The following SCP2 variants were observed in gnomAD, a reference collection of about 807,000 sequenced individuals.
SCP2 encodes the protein sterol carrier protein 2.
SCP2 carries 48 observed loss-of-function variants against 71.4 expected under a neutral mutation model. That is an observed-to-expected ratio of 0.67 (90% CI 0.53 to 0.86). The LOEUF is 0.86. Among genes scored for constraint, SCP2 ranks in the 40% least tolerant of loss-of-function variants. SCP2 has a pLI of 0.00. For synonymous variants in SCP2, 220 were observed against 218.1 expected, an observed-to-expected ratio of 1.01 and a Z score of -0.08; for missense variants, 560 against 655.6, an observed-to-expected ratio of 0.85 and a Z score of 1.59.
chr1:52,946,429 G>T lies in SCP2; in HGVS notation c.128-1580G>T, dbSNP rs1572063050. Among the ~76,000 whole-genome samples the T allele has an allele frequency of 2.0e-5, 3 of 149,450 alleles. No homozygotes were observed. In the East Asian group the frequency reaches 6.1e-4, roughly 30 times the overall value. On this transcript the variant is annotated intron_variant, in intron 2 of 15. Coordinates refer to ENST00000371514, the MANE Select transcript of SCP2 (RefSeq NM_002979.5). ...TTTTGTAGAGATGGGGTCCCAGGCT[G>T]GTCTCAAAACTCCTGGGCTCAAGTG...
intron 13 of SCP2, 64 bp from the exon 14 acceptor site, chr1:53,038,853 T>C (rs1572226088): frequency 6.3e-7 from 1 of 1,599,112 alleles, no homozygotes; most frequent in African/African-American, 1.3e-5. Context: ...TAAACATGAA[T>C]TTGCTTGAGG....
chr1:53,040,861 TG>T (rs1301189175), intron 14 of SCP2, among the ~76,000 whole-genome samples: 1 of 152,236 alleles, frequency 6.6e-6, no homozygotes, highest in Non-Finnish European at 1.5e-5. Flanking sequence ...TCACTTGAAT[TG>T]TAAGTTCCTT....
At chr1:53,046,710 G>A (rs768141224) in intron 14 of SCP2, among the ~76,000 whole-genome samples, 9 of 152,110 alleles carry the variant, frequency 5.9e-5, no homozygotes, top group Non-Finnish European at 1.3e-4. Context: ...GCCAACATTT[G>A]TTTATATATT....
chr1:53,015,314 C>A (rs1661259480), intron 12 of SCP2, among the ~76,000 whole-genome samples: 1 of 152,180 alleles, frequency 6.6e-6, no homozygotes, highest in Admixed American at 6.5e-5. Context: ...TCGGCCCTAG[C>A]AACCTAAGTT....
chr1:52,986,735 A>C (rs1046546043), intron 10 of SCP2, among the ~76,000 whole-genome samples: 5 of 152,040 alleles, frequency 3.3e-5, no homozygotes, highest in African/African-American at 1.2e-4. Flanking sequence ...TGAATATTAA[A>C]TTTTATAAAT....
rs888536876 is a variant in SCP2 at position 52,977,865 on chromosome 1, C to T, written c.675-352C>T. On this transcript the variant is annotated intron_variant, in intron 8 of 15. Coordinates refer to ENST00000371514, the MANE Select transcript of SCP2 (RefSeq NM_002979.5). ...ATCTCAGCTACTCAGGAGGCTGAGG[C>T]AGAAGAATCACTTGAACCGGGGAGG... 4.0e-5 allele frequency among the ~76,000 whole-genome samples: 6 copies of T among 151,648 alleles called. No individual in the cohort carries two copies. In the East Asian group the frequency reaches 9.7e-4, roughly 24 times the overall value.
chr1:52,987,359 T>C (rs1312537791), intron 10 of SCP2, among the ~76,000 whole-genome samples: 1 of 152,202 alleles, frequency 6.6e-6, no homozygotes, highest in Admixed American at 6.5e-5. Flanking sequence ...ATTGCCACCA[T>C]CATTACTATC....
In SCP2 at chr1:52,951,691, G is replaced by A. The variant is rs1199327089; in HGVS notation, c.331+805G>A. Among the ~76,000 whole-genome samples, 5 of 150,680 alleles carry A rather than the reference G, an allele frequency of 3.3e-5. 1 individual carries two copies. The highest frequency in any genetic ancestry group is 7.4e-5 in the Non-Finnish European group (5 of 67,838). The stretch of plus-strand genomic sequence containing the variant: ...GTGTTTTTTGTATATTCACAGAATT[G>A]TATACCTATCACCACTATGTAATAT... On this transcript the variant is annotated intron_variant, in intron 4 of 15. Coordinates refer to ENST00000371514, the MANE Select transcript of SCP2 (RefSeq NM_002979.5).
chr1:52,937,157 A>G (rs1336678803), intron 1 of SCP2, among the ~76,000 whole-genome samples: 2 of 152,150 alleles, frequency 1.3e-5, no homozygotes, highest in African/African-American at 4.8e-5. Flanking sequence ...TCCTTATAGG[A>G]GATTATGATA....
chr1:53,016,632 G>C (rs1486954943), intron 12 of SCP2, among the ~76,000 whole-genome samples: 1 of 152,064 alleles, frequency 6.6e-6, no homozygotes, highest in Non-Finnish European at 1.5e-5. Flanking sequence ...TTCCAAGTCT[G>C]TACAATAGGT....
chr1:52,931,787 G>T (rs750510696), intron 1 of SCP2, among the ~76,000 whole-genome samples: 5 of 152,066 alleles, frequency 3.3e-5, no homozygotes, highest in Admixed American at 3.3e-4. Context: ...ACAAGACAAC[G>T]TCAACCCCCT....
Position 52,934,592 on chromosome 1 carries a change from C to CTTTTTTTTTTTTTTTT in SCP2, c.69+7150_69+7165dup, listed in dbSNP as rs771433635. 4.1e-4 allele frequency among the ~76,000 whole-genome samples: 12 copies of CTTTTTTTTTTTTTTTT among 29,058 alleles called. 6 individuals carry two copies. Among genetic ancestry groups the CTTTTTTTTTTTTTTTT allele is most frequent in the Admixed American group, 1.3e-3 (2 of 1,548 alleles). The allele number at this position is 29,058 out of a possible 152,430, so 19.1% of individuals were successfully genotyped here. ...GTTTCAAATTCTACATTCCAGCTAA[C>CTTTTTTTTTTTTTTTT]TTTTTTTTTTTTTTTTTTTTTTTTT... On this transcript the variant is annotated intron_variant, in intron 1 of 15. Coordinates refer to ENST00000371514, the MANE Select transcript of SCP2 (RefSeq NM_002979.5).
intron 2 of SCP2, among the ~76,000 whole-genome samples, chr1:52,946,559 C>T (rs914957939): frequency 1.3e-5 from 2 of 152,098 alleles, no homozygotes; most frequent in Admixed American, 6.5e-5. Flanking sequence ...TCATTGGCAA[C>T]ATATGAGAAT....
At chr1:52,985,182 G>T (rs1658880102) in intron 10 of SCP2, among the ~76,000 whole-genome samples, 1 of 152,126 alleles carries the variant, frequency 6.6e-6, no homozygotes, top group African/African-American at 2.4e-5. Flanking sequence ...TGCTTGAACT[G>T]CTTCTCCAAC....
chr1:53,018,004 A>G (rs1557611935), intron 12 of SCP2, among the ~76,000 whole-genome samples: 1 of 152,070 alleles, frequency 6.6e-6, no homozygotes, highest in African/African-American at 2.4e-5. Context: ...ACAGGTGCTC[A>G]CTACCACGCC....
At chr1:52,989,227 G>A (rs1002853520) in intron 11 of SCP2, among the ~76,000 whole-genome samples, 8 of 152,144 alleles carry the variant, frequency 5.3e-5, no homozygotes, top group African/African-American at 1.7e-4. Context: ...GATCAGTGAT[G>A]TTATGGGAAG....
chr1:52,935,550 A>T (rs1255275415), intron 1 of SCP2, among the ~76,000 whole-genome samples: 1 of 149,936 alleles, frequency 6.7e-6, no homozygotes, highest in East Asian at 2.0e-4. Flanking sequence ...AGATTGTGCC[A>T]CTGCACTTCA....
intron 10 of SCP2, among the ~76,000 whole-genome samples, chr1:52,984,189 T>TA (rs1658764752): frequency 6.6e-6 from 1 of 152,142 alleles, no homozygotes; most frequent in Non-Finnish European, 1.5e-5. Flanking sequence ...GGGTTTCTGT[T>TA]AGAGTTTTAG....
intron 11 of SCP2, chr1:52,993,563 A>G: frequency 1.9e-6 from 3 of 1,612,168 alleles, no homozygotes; most frequent in Non-Finnish European, 1.7e-6. Context: ...GCCAGTCCTC[A>G]TATACTGTTC....
Sources: allele counts gnomAD v4.1 joint callset (sites outside exome capture counted in the v4.1 genomes callset), GRCh38; gene constraint gnomAD v4.1.1; transcripts MANE v1.5; gene names NCBI Gene and HGNC (gene_info 2026-07-23, HGNC 2026-07-21).